Variants in SFMBT2 observed in about 807,000 individuals in gnomAD.
SFMBT2 encodes Scm like with four mbt domains 2.
A neutral mutation model predicts 110.1 loss-of-function variants in SFMBT2; 38 were observed. The ratio of observed to expected loss-of-function variants is 0.35; its 90% confidence interval spans 0.27 to 0.45. SFMBT2 has a LOEUF of 0.45. Ranked by LOEUF, SFMBT2 falls within the 20% of genes least tolerant of loss-of-function variation. SFMBT2 has a pLI of 1.00. For synonymous variants in SFMBT2, 425 were observed against 425.4 expected (o/e 1.00, Z 0.01); for missense variants, 1,011 against 1,094.9 (o/e 0.92, Z 1.08).
chr10:7,326,564 G>A (rs889710227), intron 4 of SFMBT2, among the ~76,000 whole-genome samples: 20 of 152,168 alleles, frequency 1.3e-4, no homozygotes, highest in African/African-American at 4.6e-4. Context: ...CCCACAACAC[G>A]TCTGGCATCC....
intron 5 of SFMBT2, chr10:7,284,510 C>T (rs1470985092): frequency 5.4e-6 from 4 of 747,620 alleles, no homozygotes; most frequent in South Asian, 5.2e-5. Flanking sequence ...ACCTAGAAAA[C>T]GTGGTAGCAA....
At chr10:7,357,032 C>T (rs1279581299) in intron 4 of SFMBT2, among the ~76,000 whole-genome samples, 1 of 152,188 alleles carries the variant, frequency 6.6e-6, no homozygotes, top group Admixed American at 6.5e-5. Flanking sequence ...CGCAATCTCT[C>T]GAATTCCTAC....
At chr10:7,216,714 G>T (rs960903191) in intron 11 of SFMBT2, among the ~76,000 whole-genome samples, 1 of 151,990 alleles carries the variant, frequency 6.6e-6, no homozygotes, top group Non-Finnish European at 1.5e-5. Context: ...TCTGATGAGG[G>T]CCTCAGTGTC....
intron 8 of SFMBT2, among the ~76,000 whole-genome samples, chr10:7,246,644 G>A (rs991775733): frequency 2.6e-5 from 4 of 150,992 alleles, no homozygotes; most frequent in Admixed American, 6.6e-5. Flanking sequence ...GCTTGAACTC[G>A]GGAGGCAGAG....
intron 11 of SFMBT2, chr10:7,206,468 T>G (rs1839141122): frequency 4.1e-6 from 4 of 985,288 alleles, no homozygotes; most frequent in South Asian, 4.7e-5. Context: ...ATGAGCAGTG[T>G]ACGTGGACAA....
At chr10:7,355,600 C>A (rs1175714645) in intron 4 of SFMBT2, among the ~76,000 whole-genome samples, 1 of 152,182 alleles carries the variant, frequency 6.6e-6, no homozygotes, top group Admixed American at 6.5e-5. Flanking sequence ...ATCACAAGAT[C>A]AGGAGTTCAA....
chr10:7,288,684 A>T (rs1023237696), intron 4 of SFMBT2, among the ~76,000 whole-genome samples: 12 of 152,168 alleles, frequency 7.9e-5, no homozygotes, highest in Non-Finnish European at 1.0e-4. Context: ...CCTCCTAACT[A>T]TGCTAACAGG....
intron 4 of SFMBT2, among the ~76,000 whole-genome samples, chr10:7,344,063 GT>G (rs1353033680): frequency 6.6e-6 from 1 of 152,242 alleles, no homozygotes; most frequent in African/African-American, 2.4e-5. Flanking sequence ...GACTGAAGTA[GT>G]CAGGGGCTTT....
chr10:7,410,898 C>T lies in SFMBT2; in HGVS notation c.-89G>A, dbSNP rs1002660638. Among the ~76,000 whole-genome samples, 6 of 151,434 alleles carry T rather than the reference C, an allele frequency of 4.0e-5. No homozygotes were observed. Among genetic ancestry groups the T allele is most frequent in the African/African-American group, 1.2e-4 (5 of 41,280 alleles). On this transcript the variant is annotated 5_prime_UTR_variant, in exon 1 of 21. Coordinates refer to ENST00000397167, the MANE Select transcript of SFMBT2 (RefSeq NM_001387889.1). ...GTCCTGCCCTCGGCGTGGACCCAGG[C>T]CCCGGTCGCCGCCCGGGAGGGCACC...
At chr10:7,246,768 G>GGCTATGC (rs1840628388) in intron 8 of SFMBT2, among the ~76,000 whole-genome samples, 1 of 138,654 alleles carries the variant, frequency 7.2e-6, no homozygotes, top group Admixed American at 7.5e-5. Context: ...ACCGCTGACA[G>GGCTATGC]GCTATGCACA....
At chr10:7,365,699 C>A (rs1354843528) in intron 4 of SFMBT2, among the ~76,000 whole-genome samples, 3 of 152,138 alleles carry the variant, frequency 2.0e-5, no homozygotes, top group Admixed American at 6.5e-5. Context: ...CCTGAGGACA[C>A]TATGCTTAAG....
intron 10 of SFMBT2, among the ~76,000 whole-genome samples, chr10:7,226,511 A>G (rs919295281): frequency 6.6e-6 from 1 of 152,256 alleles, no homozygotes; most frequent in Non-Finnish European, 1.5e-5. Context: ...TCAGCAAACA[A>G]GTCTCTGACC....
At chr10:7,182,204 A>C (rs1838264046) in intron 16 of SFMBT2, among the ~76,000 whole-genome samples, 1 of 152,060 alleles carries the variant, frequency 6.6e-6, no homozygotes, top group Non-Finnish European at 1.5e-5. Context: ...TGCCCGGCTA[A>C]TTTTTGTATT....
At chr10:7,333,700 C>G (rs1843630929) in intron 4 of SFMBT2, among the ~76,000 whole-genome samples, 1 of 151,912 alleles carries the variant, frequency 6.6e-6, no homozygotes, top group Non-Finnish European at 1.5e-5. Context: ...CTCCCCCACT[C>G]CCTACACGGC....
In SFMBT2 at chr10:7,202,430, C is replaced by G. The variant is rs1212985184; in HGVS notation, c.1487+50G>C. The G allele has an allele frequency of 1.9e-6, 3 of 1,611,886 alleles. No homozygotes were observed. The South Asian group carries it at 3.3e-5, about 18-fold the overall frequency. ...ATGCTTCCCATCCTCCATAAAGACA[C>G]TACAGTTTATCGGTATACAGTGTAG... On this transcript the variant is annotated intron_variant, in intron 13 of 20. Coordinates refer to ENST00000397167, the MANE Select transcript of SFMBT2 (RefSeq NM_001387889.1).
intron 6 of SFMBT2, among the ~76,000 whole-genome samples, chr10:7,278,055 T>C (rs1276763096): frequency 6.6e-6 from 1 of 152,204 alleles, no homozygotes; most frequent in African/African-American, 2.4e-5. Context: ...GAAGTCATTG[T>C]TACTTACACA....
rs1837482561 is a variant in SFMBT2 at position 7,158,992 on chromosome 10, T to C, written c.*4778A>G. The stretch of plus-strand genomic sequence containing the variant: ...TGGCTCCTGTTTCAAGCAAGTGAGA[T>C]GATTATCTTTTTCTGTCATTTAAAA... On this transcript the variant is annotated 3_prime_UTR_variant, in exon 21 of 21. Coordinates refer to ENST00000397167, the MANE Select transcript of SFMBT2 (RefSeq NM_001387889.1). 1.3e-5 allele frequency: 2 copies of C among 152,186 alleles called. No homozygotes were observed. The highest frequency in any genetic ancestry group is 2.9e-5 in the Non-Finnish European group (2 of 68,036). The allele number at this position is 152,186 out of a possible 1,614,324, so 9.4% of individuals were successfully genotyped here.
chr10:7,374,533 A>G (rs986922822), intron 2 of SFMBT2, among the ~76,000 whole-genome samples: 1 of 152,184 alleles, frequency 6.6e-6, no homozygotes, highest in Non-Finnish European at 1.5e-5. Context: ...TCAAATTTTA[A>G]TTCATTACAA....
intron 1 of SFMBT2, among the ~76,000 whole-genome samples, chr10:7,410,408 G>A (rs1846340465): frequency 6.6e-6 from 1 of 152,260 alleles, no homozygotes; most frequent in Non-Finnish European, 1.5e-5. Flanking sequence ...GGGAGCGCGG[G>A]GTAGGTAGCA....
Sources: gnomAD v4.1 joint callset for allele counts (sites outside exome capture counted in the v4.1 genomes callset) on GRCh38, gnomAD v4.1.1 for gene constraint, MANE v1.5 for transcripts, NCBI Gene and HGNC (gene_info 2026-07-23, HGNC 2026-07-21) for gene names.